Variants in RFX3 observed in about 807,000 individuals in gnomAD.
RFX3 encodes the protein regulatory factor X3.
In RFX3, 14 loss-of-function variants were observed where a neutral mutation model predicts 98.6. That is an observed-to-expected ratio of 0.14 (90% CI 0.09 to 0.22). The LOEUF (loss-of-function observed/expected upper bound fraction) is 0.22. Among genes scored for constraint, RFX3 ranks in the 10% least tolerant of loss-of-function variants. RFX3 has a pLI of 1.00. For missense variants in RFX3, 639 were observed against 926.9 expected, an observed-to-expected ratio of 0.69 and a Z score of 4.03; for synonymous variants, 383 against 328.4, an observed-to-expected ratio of 1.17 and a Z score of -1.80.
At chr9:3,324,564 G>C (rs755051696) in intron 4 of RFX3, among the ~76,000 whole-genome samples, 1 of 149,350 alleles carries the variant, frequency 6.7e-6, no homozygotes, top group African/African-American at 2.5e-5. Flanking sequence ...AGCAAGATGC[G>C]GCATTTTTCT....
intron 3 of RFX3, among the ~76,000 whole-genome samples, chr9:3,343,754 C>G (rs1313831462): frequency 6.6e-6 from 1 of 152,152 alleles, no homozygotes; most frequent in African/African-American, 2.4e-5. Flanking sequence ...GAAGATGCAT[C>G]TTCTCCCTCT....
Position 3,514,012 on chromosome 9 carries a change from T to C in RFX3, c.-9+11735A>G, listed in dbSNP as rs139876532. Among the ~76,000 whole-genome samples the C allele has an allele frequency of 8.4e-3, 1,287 of 152,324 alleles. 12 individuals carry two copies. The highest frequency in any genetic ancestry group is 0.024 in the Middle Eastern group (7 of 294). ...GCACAATATTTTAACCTCCTATAAT[T>C]GGAATGAATTACAATTTTTGTCTTT... On this transcript the variant is annotated intron_variant, in intron 1 of 16. Transcript: ENST00000617270.
At chr9:3,507,111 G>C (rs1350239665) in intron 1 of RFX3, among the ~76,000 whole-genome samples, 1 of 151,748 alleles carries the variant, frequency 6.6e-6, no homozygotes, top group Non-Finnish European at 1.5e-5. Flanking sequence ...TCTGCCCTCA[G>C]TAAGCTTATA....
intron 1 of RFX3, among the ~76,000 whole-genome samples, chr9:3,498,467 T>G (rs1428855050): frequency 7.2e-5 from 11 of 151,890 alleles, no homozygotes. Context: ...ACAGCAAGAG[T>G]GAGAAAACAC....
intron 1 of RFX3, among the ~76,000 whole-genome samples, chr9:3,463,375 C>A (rs976019048): frequency 2.6e-5 from 4 of 151,972 alleles, no homozygotes; most frequent in African/African-American, 9.7e-5. Context: ...CAAAGGGTAT[C>A]ATAAGCCTAA....
intron 16 of RFX3, among the ~76,000 whole-genome samples, chr9:3,228,194 G>C (rs1818018605): frequency 6.6e-6 from 1 of 152,116 alleles, no homozygotes; most frequent in Admixed American, 6.5e-5. Flanking sequence ...TTATAAAGGT[G>C]GGTAAGATTT....
chr9:3,331,323 T>C (rs1037918936), intron 3 of RFX3, among the ~76,000 whole-genome samples: 2 of 152,206 alleles, frequency 1.3e-5, no homozygotes, highest in African/African-American at 2.4e-5. Flanking sequence ...CCCTTTTCTG[T>C]TCTGATTAAG....
rs1040215715 is a variant in RFX3 at position 3,367,438 on chromosome 9, C to A, written c.118-20674G>T. 6.5e-4 allele frequency among the ~76,000 whole-genome samples: 99 copies of A among 152,298 alleles called. 1 individual carries two copies. The highest frequency in any genetic ancestry group is 2.9e-5 in the Non-Finnish European group (2 of 68,022). On this transcript the variant is annotated intron_variant, in intron 2 of 16. Transcript: ENST00000617270. ...AAACAAAAGCCCCATGTGACAGACA[C>A]ATTACTTTCAGTCTTGTGAGACATG... is the stretch of plus-strand genomic sequence containing the variant.
chr9:3,351,119 G>C (rs1302319071), intron 2 of RFX3, among the ~76,000 whole-genome samples: 1 of 151,654 alleles, frequency 6.6e-6, no homozygotes, highest in East Asian at 1.9e-4. Context: ...TGTCAATGTA[G>C]GTTCATCAGT....
chr9:3,247,355 C>G, intron 15 of RFX3: 1 of 985,782 alleles, frequency 1.0e-6, no homozygotes, highest in Non-Finnish European at 1.2e-6. Flanking sequence ...TGGTTAGAAG[C>G]ATATGGGTTT....
chr9:3,363,327 T>A (rs1203706942), intron 2 of RFX3, among the ~76,000 whole-genome samples: 2 of 152,164 alleles, frequency 1.3e-5, no homozygotes, highest in Admixed American at 1.3e-4. Flanking sequence ...TACAGAAAAT[T>A]AAGTTTGGCA....
intron 6 of RFX3, among the ~76,000 whole-genome samples, chr9:3,290,006 G>A (rs1465106000): frequency 1.3e-5 from 2 of 152,024 alleles, no homozygotes; most frequent in Non-Finnish European, 2.9e-5. Flanking sequence ...TGGATTAGGA[G>A]TAGAAAGTAA....
intron 4 of RFX3, among the ~76,000 whole-genome samples, chr9:3,314,204 TG>T (rs1467936175): frequency 6.6e-6 from 1 of 152,184 alleles, no homozygotes; most frequent in East Asian, 1.9e-4. Flanking sequence ...CAGAAGACAG[TG>T]GGGGCCAATA....
intron 1 of RFX3, among the ~76,000 whole-genome samples, chr9:3,497,129 G>C (rs1256148921): frequency 6.6e-6 from 1 of 151,950 alleles, no homozygotes; most frequent in Admixed American, 6.6e-5. Flanking sequence ...GCCATACCTC[G>C]TGATGTGAAA....
chr9:3,330,516 G>C lies in RFX3; in HGVS notation c.217C>G (p.Arg73Gly). ...SDTVYTNGAI[R>G]TTTYPYTETQ... Reference sequence around the variant, plus strand: ...TCTGTGTAAGGATACGTTGTTGTTCGGCTTTAGAAGAAGAAGAAAAAAGAA... The same window carrying C: ...TCTGTGTAAGGATACGTTGTTGTTCCGCTTTAGAAGAAGAAGAAAAAAGAA... Residue 73 changes from arginine to glycine, a missense_variant and splice_region_variant, in exon 4 of 17, where the codon CGA becomes GGA. By Grantham distance (125) the Arg-to-Gly change is moderately radical. This residue lies in a region of RFX3 where 210 missense variants were observed against 197.7 expected (regional missense o/e 1.06). Coordinates refer to ENST00000617270, the MANE Select transcript of RFX3 (RefSeq NM_001282116.2). 1 of 1,586,606 alleles carries C rather than the reference G, an allele frequency of 6.3e-7. No homozygotes were observed. Among genetic ancestry groups the C allele is most frequent in the Non-Finnish European group, 8.6e-7 (1 of 1,163,174 alleles).
chr9:3,476,552 G>A (rs965263715), intron 1 of RFX3, among the ~76,000 whole-genome samples: 11 of 149,674 alleles, frequency 7.3e-5, no homozygotes, highest in African/African-American at 2.3e-4. Context: ...TAGAGGCACA[G>A]ACAAACAGCA....
intron 2 of RFX3, among the ~76,000 whole-genome samples, chr9:3,363,709 A>G (rs1836730088): frequency 6.6e-6 from 1 of 152,256 alleles, no homozygotes; most frequent in Non-Finnish European, 1.5e-5. Flanking sequence ...GTACAAAGAT[A>G]CAATGACAAC....
chr9:3,413,659 C>G (rs1842651623), intron 1 of RFX3, among the ~76,000 whole-genome samples: 1 of 152,064 alleles, frequency 6.6e-6, no homozygotes. Context: ...GGAACAAATG[C>G]TTCCTGAATG....
At position 3,493,427 on chromosome 9, in the gene RFX3, G is replaced by A. The variant is rs557304789; in HGVS notation, c.-9+32320C>T. Among the ~76,000 whole-genome samples, 63 of 152,102 alleles carry A rather than the reference G, an allele frequency of 4.1e-4. No homozygotes were observed. The East Asian group carries it at 0.012, about 29-fold the overall frequency. On this transcript the variant is annotated intron_variant, in intron 1 of 16. Coordinates refer to ENST00000617270, the MANE Select transcript of RFX3 (RefSeq NM_001282116.2). ...GGGCCAGGCGCGGTGGCTCACACCT[G>A]TAATCCCAGCACTTTGGGAGGCCGA... is the stretch of plus-strand genomic sequence containing the variant.
Sources: allele counts gnomAD v4.1 joint callset (sites outside exome capture counted in the v4.1 genomes callset), GRCh38; gene constraint gnomAD v4.1.1; regional missense constraint gnomAD v4.1.1; transcripts MANE v1.5; gene names NCBI Gene and HGNC (gene_info 2026-07-23, HGNC 2026-07-21).